The following FANCB variants were observed in gnomAD, a reference collection of about 807,000 sequenced individuals.
The protein encoded by FANCB is FA complementation group B.
A neutral mutation model predicts 38.9 loss-of-function variants in FANCB; 5 were observed. The ratio of observed to expected loss-of-function variants is 0.13; its 90% CI spans 0.07 to 0.27. The LOEUF is 0.27. Among genes scored for constraint, FANCB ranks in the 10% least tolerant of loss-of-function variants. The probability of loss-of-function intolerance (pLI) is 1.00; values close to 1 mark genes in which losing one functional copy is unlikely to be tolerated. For missense variants in FANCB, 573 were observed against 602.7 expected (o/e 0.95, Z 0.52); for synonymous variants, 236 against 215.4 (o/e 1.10, Z -0.84).
intron 1 of FANCB, among the ~76,000 whole-genome samples, chrX:14,870,085 GC>G (rs1225747784): frequency 1.8e-5 from 2 of 111,222 alleles, no homozygotes; most frequent in Non-Finnish European, 3.8e-5. Context: ...TTAATTCATT[GC>G]TAAAATGAAT....
At chrX:14,809,431 G>C in the FANCB span, among the ~76,000 whole-genome samples, 2 of 112,240 alleles carry the variant, frequency 1.8e-5, no homozygotes, top group African/African-American at 6.5e-5. Flanking sequence ...CCGAGTCAAA[G>C]AAAGGGGTGA....
the FANCB span, among the ~76,000 whole-genome samples, chrX:14,768,125 T>C: frequency 9.0e-6 from 1 of 111,409 alleles, no homozygotes; most frequent in Non-Finnish European, 1.9e-5. Flanking sequence ...GCCTCCAGAT[T>C]TGTTCTTGGC....
At chrX:14,705,316 T>A in the FANCB span, among the ~76,000 whole-genome samples, 28 of 111,655 alleles carry the variant, frequency 2.5e-4, no homozygotes, top group Non-Finnish European at 4.3e-4. Context: ...CCAGGAGCTA[T>A]TTTTCCCCAC....
rs951545082 is a variant in FANCB, at chrX:14,843,455, C to G, written c.*112G>C. 27 of 516,438 alleles carry G rather than the reference C, an allele frequency of 5.2e-5. No homozygotes were observed. The African/African-American group carries it at 6.0e-4, about 11-fold the overall frequency. 42.6% of individuals were successfully genotyped at this position (516,438 alleles called of 1,213,427 possible). On this transcript the variant is annotated 3_prime_UTR_variant, in exon 10 of 10. Transcript: ENST00000650831. ...TGCATCATCAAAACTAAAGTTTCTA[C>G]TACAGTAAGCCTCGGTGTTTATTTT... is the stretch of plus-strand genomic sequence containing the variant.
At chrX:14,736,305 T>C in the FANCB span, among the ~76,000 whole-genome samples, 6 of 110,534 alleles carry the variant, frequency 5.4e-5, no homozygotes. Flanking sequence ...CTCCTACAGC[T>C]AGCTTGGTGT....
the FANCB span, among the ~76,000 whole-genome samples, chrX:14,772,055 T>C: frequency 9.1e-6 from 1 of 110,397 alleles, no homozygotes; most frequent in Non-Finnish European, 1.9e-5. Context: ...GAGACCCTCA[T>C]TGAGAAGTCT....
At chrX:14,772,120 C>A in the FANCB span, among the ~76,000 whole-genome samples, 1 of 111,228 alleles carries the variant, frequency 9.0e-6, no homozygotes, top group Non-Finnish European at 1.9e-5. Context: ...AGACTGGCTG[C>A]AGATGTGCTG....
the FANCB span, among the ~76,000 whole-genome samples, chrX:14,739,844 G>A: frequency 1.8e-5 from 2 of 112,308 alleles, no homozygotes; most frequent in African/African-American, 3.2e-5. Context: ...TGATGGAAGC[G>A]TGTATTAGAT....
the FANCB span, among the ~76,000 whole-genome samples, chrX:14,791,511 T>A: frequency 8.9e-6 from 1 of 111,915 alleles, no homozygotes; most frequent in African/African-American, 3.2e-5. Context: ...CCGTTTGTGG[T>A]ACTTTGTAAC....
the FANCB span, among the ~76,000 whole-genome samples, chrX:14,782,226 G>A: frequency 1.0e-3 from 112 of 111,433 alleles, no homozygotes; most frequent in Non-Finnish European, 1.4e-3. Flanking sequence ...AGTTGGACAG[G>A]GGGACATTCA....
At chrX:14,706,810 A>T in the FANCB span, among the ~76,000 whole-genome samples, 151 of 112,195 alleles carry the variant, frequency 1.3e-3, no homozygotes, top group Middle Eastern at 9.3e-3. Flanking sequence ...ATTGTAGTAA[A>T]ACAATAATTC....
the FANCB span, among the ~76,000 whole-genome samples, chrX:14,735,651 C>T: frequency 8.9e-6 from 1 of 111,959 alleles, no homozygotes; most frequent in African/African-American, 3.2e-5. Context: ...CCGGAGCTCT[C>T]CTGCATGAGG....
At chrX:14,691,648 C>T in the FANCB span, among the ~76,000 whole-genome samples, 1 of 111,459 alleles carries the variant, frequency 9.0e-6, no homozygotes, top group Non-Finnish European at 1.9e-5. Context: ...AGGAGGGGCA[C>T]CAGCCTCTGT....
At chrX:14,836,626 C>A (rs2092341869) in intron 10 of FANCB, among the ~76,000 whole-genome samples, 1 of 111,821 alleles carries the variant, frequency 8.9e-6, no homozygotes, top group Non-Finnish European at 1.9e-5. Context: ...ATATTTTAGA[C>A]CCCTTTTTGC....
intron 9 of FANCB, among the ~76,000 whole-genome samples, 183 bp from the exon 10 acceptor site, chrX:14,844,164 C>T (rs904350828): frequency 9.0e-6 from 1 of 110,503 alleles, no homozygotes; most frequent in Non-Finnish European, 1.9e-5. Context: ...TATTCCATAT[C>T]GAATCAGTTA....
At chrX:14,860,919 G>A (rs756392010) in intron 3 of FANCB, among the ~76,000 whole-genome samples, 2 of 109,264 alleles carry the variant, frequency 1.8e-5, no homozygotes, top group Admixed American at 9.7e-5. Flanking sequence ...GTCCCATTCC[G>A]TTGCCCTGGC....
chrX:14,723,354 T>C, the FANCB span, among the ~76,000 whole-genome samples: 29 of 112,164 alleles, frequency 2.6e-4, no homozygotes, highest in Admixed American at 2.6e-3. Flanking sequence ...AGTTGGCACA[T>C]TGCTCTCTAC....
At chrX:14,835,245 T>C (rs138749431), downstream of FANCB, 790 of 504,554 alleles carry the variant, frequency 1.6e-3, 1 homozygote, top group Non-Finnish European at 2.4e-3. Flanking sequence ...ATCATCTTTA[T>C]TGGCCTTTAG....
At chrX:14,706,518 A>T in the FANCB span, among the ~76,000 whole-genome samples, 1 of 112,356 alleles carries the variant, frequency 8.9e-6, no homozygotes, top group Admixed American at 9.4e-5. Flanking sequence ...TTTATTTTTA[A>T]TTGTGAAAGA....
Sources: gnomAD v4.1 joint callset for allele counts (sites outside exome capture counted in the v4.1 genomes callset) on GRCh38, gnomAD v4.1.1 for gene constraint, MANE v1.5 for transcripts, NCBI Gene and HGNC (gene_info 2026-07-23, HGNC 2026-07-21) for gene names.